The following VGLL3 variants were observed in gnomAD, a reference collection of about 807,000 sequenced individuals.
VGLL3 encodes the protein vestigial like family member 3.
A neutral mutation model predicts 29.2 loss-of-function variants in VGLL3; 18 were observed. That is an observed-to-expected ratio of 0.62 (90% CI 0.43 to 0.91). The LOEUF is 0.91. Ranked by LOEUF, VGLL3 falls within the 40% of genes least tolerant of loss-of-function variation. VGLL3 has a pLI of 0.00. For synonymous variants in VGLL3, 180 were observed against 151.8 expected, an observed-to-expected ratio of 1.19 and a Z score of -1.36; for missense variants, 440 against 413.2, an observed-to-expected ratio of 1.06 and a Z score of -0.56.
intron 2 of VGLL3, 134 bp from the exon 3 acceptor site, chr3:86,969,257 C>CTGTTTGGGG: frequency 9.0e-7 from 1 of 1,116,564 alleles, no homozygotes. Context: ...TTATTCTCCC[C>CTGTTTGGGG]AAACAGGGGT....
intron 3 of VGLL3, among the ~76,000 whole-genome samples, chr3:86,956,373 T>C (rs1196600978): frequency 6.6e-6 from 1 of 152,226 alleles, no homozygotes; most frequent in Non-Finnish European, 1.5e-5. Flanking sequence ...CAGTTTCTTT[T>C]GGGAAGACAA....
rs895243835 is a variant in VGLL3, at chr3:86,946,362, A to G, written c.*662T>C. On this transcript the variant is annotated 3_prime_UTR_variant, in exon 4 of 4. Transcript: ENST00000398399. Reference sequence around the variant, plus strand: ...GGAATTAAATCTTTACTGAGATTCAATGTAAAAACAATACTGCATTGGTTT... The same window carrying G: ...GGAATTAAATCTTTACTGAGATTCAGTGTAAAAACAATACTGCATTGGTTT... 2.0e-5 allele frequency: 3 copies of G among 152,222 alleles called. No homozygotes were observed. Among genetic ancestry groups the G allele is most frequent in the African/African-American group, 7.2e-5 (3 of 41,456 alleles). 9.4% of individuals were successfully genotyped at this position (152,222 alleles called of 1,614,324 possible).
chr3:86,951,102 C>T (rs1480171449), intron 3 of VGLL3, among the ~76,000 whole-genome samples: 1 of 151,934 alleles, frequency 6.6e-6, no homozygotes, highest in African/African-American at 2.4e-5. Flanking sequence ...AAAAGACACC[C>T]ACCACAACAA....
chr3:86,951,067 AG>A (rs1704607721), intron 3 of VGLL3, among the ~76,000 whole-genome samples: 1 of 152,096 alleles, frequency 6.6e-6, no homozygotes, highest in Non-Finnish European at 1.5e-5. Flanking sequence ...CCAGGATGAG[AG>A]TAAAGGAAAT....
chr3:86,970,483 G>GCGCACACACACACA (rs1553706434), intron 2 of VGLL3, among the ~76,000 whole-genome samples: 1 of 141,200 alleles, frequency 7.1e-6, no homozygotes, highest in Non-Finnish European at 1.5e-5. Flanking sequence ...TTACACACAC[G>GCGCACACACACACA]CACACACACA....
At position 86,968,783 on chromosome 3, in the gene VGLL3, G is replaced by A. The variant is rs758524755; in HGVS notation, c.744C>T (p.His248=). Residue 248 remains histidine (H), a synonymous_variant, in exon 3 of 4, where the codon CAC becomes CAT. Coordinates refer to ENST00000398399, the MANE Select transcript of VGLL3 (RefSeq NM_016206.4). ...GATCCAGGGCAGAGCCAGCAGGAGG[G>A]TGGTGATGGTGATGATGGTGGCGGT... ...HRHRHHHHHH[H]PPAGSALDPS... The A allele has an allele frequency of 1.9e-6, 3 of 1,614,204 alleles. No homozygotes were observed. Among genetic ancestry groups the A allele is most frequent in the Non-Finnish European group, 2.5e-6 (3 of 1,180,022 alleles).
chr3:86,970,422 TGGGAA>T (rs1705070046), intron 2 of VGLL3, among the ~76,000 whole-genome samples: 1 of 150,746 alleles, frequency 6.6e-6, no homozygotes, highest in Non-Finnish European at 1.5e-5. Context: ...GGGCTAGCCC[TGGGAA>T]GTAAGCTTTA....
chr3:86,955,179 T>C (rs1704693081), intron 3 of VGLL3, among the ~76,000 whole-genome samples: 1 of 152,102 alleles, frequency 6.6e-6, no homozygotes, highest in African/African-American at 2.4e-5. Flanking sequence ...GTATGACTTA[T>C]AACATTTACT....
chr3:86,947,111 A>G (rs777570645), intron 3 of VGLL3, 44 bp from the exon 4 acceptor site: 1 of 778,268 alleles, frequency 1.3e-6, no homozygotes, highest in Non-Finnish European at 2.4e-6. Context: ...ACATTAATAC[A>G]TATGGTACCA....
chr3:86,978,155 A>G (rs1705247643), intron 2 of VGLL3, among the ~76,000 whole-genome samples: 1 of 152,178 alleles, frequency 6.6e-6, no homozygotes, highest in African/African-American at 2.4e-5. Flanking sequence ...CATAGCACCT[A>G]TTGGAATGAG....
chr3:86,978,730 C>T lies in VGLL3; in HGVS notation c.199G>A (p.Asp67Asn). 1 of 1,614,050 alleles carries T rather than the reference C, an allele frequency of 6.2e-7. No individual in the cohort carries two copies. Among genetic ancestry groups the T allele is most frequent in the Non-Finnish European group, 8.5e-7 (1 of 1,179,992 alleles). ...TTCTCCTCCTCCTCCTCCTCCTCAT[C>T]CTCCTCCTCTTGTTTGCTGGGAAGG... ...VTLPSKQEEE[D>N]EEEEEEEKDQ... Residue 67 changes from aspartate to asparagine, a missense_variant, in exon 2 of 4, where the codon GAT (aspartate) becomes AAT (asparagine). Physicochemically the swap from Asp to Asn is conservative, Grantham distance 23 (BLOSUM62 1). Transcript: ENST00000398399.
intron 3 of VGLL3, chr3:86,963,145 T>A (rs1184234796): frequency 6.4e-6 from 1 of 156,650 alleles, no homozygotes; most frequent in Admixed American, 6.5e-5. Context: ...CACAGTATTA[T>A]TCCTATTAGC....
Position 86,990,836 on chromosome 3 carries a change from C to T in VGLL3, c.-93G>A, listed in dbSNP as rs1375356936. 14 of 1,182,218 alleles carry T rather than the reference C, an allele frequency of 1.2e-5. No homozygotes were observed. The highest frequency in any genetic ancestry group is 6.3e-6 in the Non-Finnish European group (6 of 949,100). 73.2% of individuals were successfully genotyped at this position (1,182,218 alleles called of 1,614,324 possible). On this transcript the variant is annotated 5_prime_UTR_variant, in exon 1 of 4. Coordinates refer to ENST00000398399, the MANE Select transcript of VGLL3 (RefSeq NM_016206.4). ...GCGCCGCCGCCGCCGCAGCTGCCGCCTCTGTCGCTGCTCCAGCTGCTACTG... is the reference window on the plus strand; with the variant it reads ...GCGCCGCCGCCGCCGCAGCTGCCGCTTCTGTCGCTGCTCCAGCTGCTACTG...
rs905758042 is a variant in VGLL3, at chr3:86,938,079, A to C, written c.*8945T>G. 6.6e-6 allele frequency: 1 copy of C among 152,218 alleles called. No homozygotes were observed. Among genetic ancestry groups the C allele is most frequent in the Admixed American group, 6.5e-5 (1 of 15,282 alleles). 9.4% of individuals were successfully genotyped at this position (152,218 alleles called of 1,614,324 possible). On this transcript the variant is annotated 3_prime_UTR_variant, in exon 4 of 4. Transcript: ENST00000398399. ...CCTTGATTAGTCCTGAAGTTATCAA[A>C]GTATGATTTTTCTTTATTTCTGTTG... is the stretch of plus-strand genomic sequence containing the variant.
At position 86,986,495 on chromosome 3, in the gene VGLL3, G is replaced by C. The variant is rs147473249; in HGVS notation, c.126+4123C>G. Among the ~76,000 whole-genome samples the C allele has an allele frequency of 4.0e-3, 606 of 152,258 alleles. 6 individuals are homozygous for C. Among genetic ancestry groups the C allele is most frequent in the African/African-American group, 0.014 (576 of 41,542 alleles). On this transcript the variant is annotated intron_variant, in intron 1 of 3. Transcript: ENST00000398399. ...AGCATGAAGCTGTGGGGCACTTTAA[G>C]TCTCGAAGTCTCTACAGTGAAGTTA...
At chr3:86,989,827 C>T (rs772735478) in intron 1 of VGLL3, among the ~76,000 whole-genome samples, 16 of 152,104 alleles carry the variant, frequency 1.1e-4, no homozygotes, top group Middle Eastern at 3.2e-3. Context: ...AAGGGCGCCT[C>T]GTGCCAAATT....
intron 3 of VGLL3, among the ~76,000 whole-genome samples, chr3:86,958,003 G>A (rs955893104): frequency 6.6e-5 from 10 of 151,894 alleles, no homozygotes; most frequent in Admixed American, 1.3e-4. Context: ...TGATATGTAC[G>A]TGCACATACG....
chr3:86,978,393 T>A, intron 2 of VGLL3, 133 bp downstream of exon 2: 4 of 1,054,218 alleles, frequency 3.8e-6, no homozygotes, highest in Non-Finnish European at 5.5e-6. Context: ...CTGAAAGAAA[T>A]TCCTCACTGT....
chr3:86,947,138 G>T, intron 3 of VGLL3, 71 bp from the exon 4 acceptor site: 1 of 773,460 alleles, frequency 1.3e-6, no homozygotes, highest in East Asian at 2.4e-5. Context: ...AGCATAATCT[G>T]CAATACATTG....
Sources: gnomAD v4.1 joint callset for allele counts (sites outside exome capture counted in the v4.1 genomes callset) on GRCh38, gnomAD v4.1.1 for gene constraint, MANE v1.5 for transcripts, NCBI Gene and HGNC (gene_info 2026-07-23, HGNC 2026-07-21) for gene names.